The following ARHGAP42 variants were observed in gnomAD, a reference collection of about 807,000 sequenced individuals.
ARHGAP42 encodes the protein rho GTPase-activating protein 42.
ARHGAP42 carries 63 observed loss-of-function variants against 125.0 expected under a neutral mutation model. That is an observed-to-expected ratio of 0.50 (90% CI 0.41 to 0.62). The LOEUF (loss-of-function observed/expected upper bound fraction) is 0.62. ARHGAP42 is among the 20% of genes least tolerant of loss of function. ARHGAP42 has a pLI of 0.00. For missense variants in ARHGAP42, 766 were observed against 1,024.2 expected, an observed-to-expected ratio of 0.75 and a Z score of 3.44; for synonymous variants, 339 against 351.0, an observed-to-expected ratio of 0.97 and a Z score of 0.38.
chr11:100,756,350 A>T (rs1207733370), intron 1 of ARHGAP42, among the ~76,000 whole-genome samples: 1 of 151,974 alleles, frequency 6.6e-6, no homozygotes. Context: ...GTGAGCAATG[A>T]TCATGCCACT....
intron 3 of ARHGAP42, among the ~76,000 whole-genome samples, chr11:100,801,562 T>C (rs1863851685): frequency 6.6e-6 from 1 of 152,226 alleles, no homozygotes; most frequent in Non-Finnish European, 1.5e-5. Flanking sequence ...TGGAACTTCC[T>C]CTTGTCTCCT....
In ARHGAP42 at chr11:100,859,362, A is replaced by G. The variant is rs1165812747; in HGVS notation, c.313-192A>G. Reference sequence around the variant, plus strand: ...TCGTATTTTTCACATTGTTGTTAGGATCAAGGGAAATAATATGCGAAAACA... The same window carrying G: ...TCGTATTTTTCACATTGTTGTTAGGGTCAAGGGAAATAATATGCGAAAACA... On this transcript the variant is annotated intron_variant, in intron 3 of 23. Transcript: ENST00000298815. The G allele has an allele frequency of 1.6e-5, 7 of 443,278 alleles. No individual in the cohort carries two copies. In the Admixed American group the frequency reaches 3.1e-4, roughly 19 times the overall value. 27.5% of individuals were successfully genotyped at this position (443,278 alleles called of 1,614,324 possible).
chr11:100,805,853 C>A (rs1294597332), intron 3 of ARHGAP42, among the ~76,000 whole-genome samples: 2 of 152,114 alleles, frequency 1.3e-5, no homozygotes, highest in East Asian at 1.9e-4. Flanking sequence ...ATGAGGATGA[C>A]CAGAGGTCCC....
intron 3 of ARHGAP42, among the ~76,000 whole-genome samples, chr11:100,812,183 T>G (rs1208044886): frequency 6.6e-6 from 1 of 152,222 alleles, no homozygotes; most frequent in Non-Finnish European, 1.5e-5. Flanking sequence ...TGCTTATATC[T>G]TTTGCTTAAA....
chr11:100,963,399 C>G (rs181255660), intron 16 of ARHGAP42, among the ~76,000 whole-genome samples: 14 of 152,284 alleles, frequency 9.2e-5, no homozygotes, highest in Middle Eastern at 3.4e-3. Context: ...CATCTGAGCC[C>G]ATCACAACAA....
chr11:100,887,717 GCAGCTGT>G (rs1866125841), intron 4 of ARHGAP42, among the ~76,000 whole-genome samples: 1 of 152,194 alleles, frequency 6.6e-6, no homozygotes, highest in Admixed American at 6.5e-5. Flanking sequence ...CAGACAGTCT[GCAGCTGT>G]CAGCTCCTCC....
At chr11:100,721,776 C>T (rs913943943) in intron 1 of ARHGAP42, among the ~76,000 whole-genome samples, 1 of 152,028 alleles carries the variant, frequency 6.6e-6, no homozygotes, top group Non-Finnish European at 1.5e-5. Flanking sequence ...GCCTGGCCAG[C>T]TTATTCATTT....
At chr11:100,833,462 G>T (rs542463568) in intron 3 of ARHGAP42, among the ~76,000 whole-genome samples, 3 of 152,282 alleles carry the variant, frequency 2.0e-5, no homozygotes, top group Admixed American at 1.3e-4. Context: ...GGGACAGCTT[G>T]TCATTGTTTC....
rs115092018 is a variant in ARHGAP42 at position 100,939,372 on chromosome 11, C to T, written c.833-2412C>T. Among the ~76,000 whole-genome samples, 779 of 152,100 alleles carry T rather than the reference C, an allele frequency of 5.1e-3. 6 individuals are homozygous for T. Among genetic ancestry groups the T allele is most frequent in the African/African-American group, 0.018 (744 of 41,500 alleles). On this transcript the variant is annotated intron_variant, in intron 8 of 23. Transcript: ENST00000298815. ...GTCAATAAGAATAATACTATGCTTA[C>T]TATTGGGTTCTTACTATTCTTTGTA...
rs1360945442 is a variant in ARHGAP42 at position 100,976,329 on chromosome 11, C to T, written c.2128C>T (p.Pro710Ser). The T allele has an allele frequency of 6.4e-7, 1 of 1,551,616 alleles. No individual in the cohort carries two copies. Among genetic ancestry groups the T allele is most frequent in the South Asian group, 1.2e-5 (1 of 84,034 alleles). Residue 710 changes from proline to serine, a missense_variant, in exon 20 of 24, where the codon CCA becomes TCA. By Grantham distance (74) the Pro-to-Ser change is moderately conservative (BLOSUM62 -1). Coordinates refer to ENST00000298815, the MANE Select transcript of ARHGAP42 (RefSeq NM_152432.4). ...DCQSVASVTS[P>S]GDVSPPIDLV... ...CCAGAGTGTTGCTTCAGTCACTAGCCCAGGAGACGTTTCCCCACCCATAGA... is the reference window on the plus strand; with the variant it reads ...CCAGAGTGTTGCTTCAGTCACTAGCTCAGGAGACGTTTCCCCACCCATAGA...
chr11:100,747,263 C>T lies in ARHGAP42; in HGVS notation c.155-23080C>T, dbSNP rs144554915. Among the ~76,000 whole-genome samples the T allele has an allele frequency of 6.7e-3, 1,019 of 152,184 alleles. 8 individuals are homozygous for T. The highest frequency in any genetic ancestry group is 0.011 in the South Asian group (52 of 4,816). The stretch of plus-strand genomic sequence containing the variant: ...CTTGTTGAGAAATTTTCTTTAGCAC[C>T]TATCTTTATTAGTTTTTAGACCAAA... On this transcript the variant is annotated intron_variant, in intron 1 of 23. Coordinates refer to ENST00000298815, the MANE Select transcript of ARHGAP42 (RefSeq NM_152432.4).
At chr11:100,862,463 G>A (rs115152672) in intron 4 of ARHGAP42, among the ~76,000 whole-genome samples, 195 of 152,274 alleles carry the variant, frequency 1.3e-3, no homozygotes, top group African/African-American at 4.6e-3. Flanking sequence ...AGTTGCAGTG[G>A]CAGGAGTCTT....
chr11:100,807,528 A>G (rs1423830941), intron 3 of ARHGAP42, among the ~76,000 whole-genome samples: 1 of 152,166 alleles, frequency 6.6e-6, no homozygotes, highest in Non-Finnish European at 1.5e-5. Context: ...TCCTTACAAC[A>G]ATCTGAAACA....
chr11:100,797,115 G>A (rs1189271652), intron 3 of ARHGAP42, among the ~76,000 whole-genome samples: 1 of 152,218 alleles, frequency 6.6e-6, no homozygotes, highest in African/African-American at 2.4e-5. Flanking sequence ...GAAAGCTGCA[G>A]AAGAAGAGTT....
At chr11:100,963,778 G>A (rs1031004025) in intron 16 of ARHGAP42, among the ~76,000 whole-genome samples, 1 of 152,204 alleles carries the variant, frequency 6.6e-6, no homozygotes, top group Non-Finnish European at 1.5e-5. Context: ...CAAGTAACAT[G>A]TACAATGACC....
intron 4 of ARHGAP42, among the ~76,000 whole-genome samples, chr11:100,903,709 A>AAAAAAAAATATAT (rs1332890022): frequency 1.6e-5 from 1 of 63,502 alleles, no homozygotes; most frequent in African/African-American, 6.8e-5. Context: ...TGTCCCTCAA[A>AAAAAAAAATATAT]ATATATATAT....
intron 1 of ARHGAP42, among the ~76,000 whole-genome samples, chr11:100,724,944 C>T (rs1861829050): frequency 6.6e-6 from 1 of 151,910 alleles, no homozygotes; most frequent in African/African-American, 2.4e-5. Context: ...TGCTTTTCTA[C>T]TATATGCATT....
chr11:100,728,714 G>GTA (rs57293905), intron 1 of ARHGAP42, among the ~76,000 whole-genome samples: 149 of 70,368 alleles, frequency 2.1e-3, no homozygotes, highest in East Asian at 7.8e-3. Flanking sequence ...ATGACTTTGC[G>GTA]TATATATATA....
At chr11:100,903,727 T>A (rs1252192475) in intron 4 of ARHGAP42, among the ~76,000 whole-genome samples, 8,642 of 90,002 alleles carry the variant, frequency 0.096, 837 homozygotes, top group Middle Eastern at 0.13. Context: ...TATATATATA[T>A]ATATATATAT....
Sources: gnomAD v4.1 joint callset for allele counts (sites outside exome capture counted in the v4.1 genomes callset) on GRCh38, gnomAD v4.1.1 for gene constraint, MANE v1.5 for transcripts, NCBI Gene and HGNC (gene_info 2026-07-23, HGNC 2026-07-21) for gene names.